Variants in NDST3 observed in about 807,000 individuals in gnomAD.
The protein encoded by NDST3 is N-deacetylase and N-sulfotransferase 3, also known as bifunctional heparan sulfate N-deacetylase/N-sulfotransferase 3.
Under a neutral mutation model 96.1 loss-of-function variants are expected in NDST3, and 58 were observed. The ratio of observed to expected loss-of-function variants is 0.60; its 90% CI spans 0.49 to 0.75. The LOEUF (loss-of-function observed/expected upper bound fraction) is 0.75, where lower values mean the gene tolerates loss of function less well. Among genes scored for constraint, NDST3 ranks in the 30% least tolerant of loss-of-function variants. The probability of loss-of-function intolerance (pLI) is 0.00; values close to 1 mark genes in which losing one functional copy is unlikely to be tolerated. For synonymous variants in NDST3, 333 were observed against 359.7 expected (o/e 0.93, Z 0.84); for missense variants, 788 against 1,034.2 (o/e 0.76, Z 3.27).
chr4:118,047,714 T>C (rs1724850113), intron 1 of NDST3, among the ~76,000 whole-genome samples: 1 of 152,134 alleles, frequency 6.6e-6, no homozygotes, highest in South Asian at 2.1e-4. Flanking sequence ...AAATAATTGT[T>C]AGAAATGAAC....
chr4:118,193,091 C>T (rs895500929), intron 6 of NDST3, among the ~76,000 whole-genome samples: 8 of 152,142 alleles, frequency 5.3e-5, no homozygotes, highest in African/African-American at 1.9e-4. Context: ...CTACCACTTG[C>T]CTCTTCTACC....
At chr4:118,107,327 A>C (rs1042086825) in intron 3 of NDST3, among the ~76,000 whole-genome samples, 5 of 152,154 alleles carry the variant, frequency 3.3e-5, no homozygotes, top group African/African-American at 1.2e-4. Context: ...AGATATTTTG[A>C]CTTGCCTCAG....
intron 12 of NDST3, among the ~76,000 whole-genome samples, chr4:118,251,369 G>A (rs539982861): frequency 8.6e-5 from 13 of 151,642 alleles, no homozygotes; most frequent in African/African-American, 2.2e-4. Context: ...CTCGTGATCC[G>A]CCTGCCTCGG....
chr4:118,245,564 A>T (rs1304970004), intron 12 of NDST3, among the ~76,000 whole-genome samples: 2 of 152,104 alleles, frequency 1.3e-5, no homozygotes, highest in Non-Finnish European at 1.5e-5. Flanking sequence ...TTTCCTACCC[A>T]CTGTAGATAA....
At chr4:118,194,398 AG>A (rs1737527690) in intron 6 of NDST3, 2 of 734,306 alleles carry the variant, frequency 2.7e-6, no homozygotes, top group East Asian at 2.5e-5. Flanking sequence ...AGATCTTTGG[AG>A]GACTGCCTGC....
intron 6 of NDST3, among the ~76,000 whole-genome samples, chr4:118,201,228 T>TAGTGCAACAATGAACAGAAA (rs1738065275): frequency 6.6e-6 from 1 of 152,232 alleles, no homozygotes; most frequent in Admixed American, 6.5e-5. Context: ...CTAGTGTGAA[T>TAGTGCAACAATGAACAGAAA]AGTGCAACAA....
At position 118,105,103 on chromosome 4, in the gene NDST3, C is replaced by A; in HGVS notation, c.1067C>A (p.Thr356Lys). 1.2e-6 allele frequency: 2 copies of A among 1,609,490 alleles called. No homozygotes were observed. Among genetic ancestry groups the A allele is most frequent in the Non-Finnish European group, 1.7e-6 (2 of 1,176,122 alleles). Residue 356 changes from threonine (T) to lysine (K), a missense_variant and splice_region_variant, in exon 3 of 14, where the codon ACA becomes AAA. Physicochemically the swap from Thr to Lys is moderately conservative, Grantham distance 78. Coordinates refer to ENST00000296499, the MANE Select transcript of NDST3 (RefSeq NM_004784.3). ...NLGFSGKFYH[T>K]GTEEEDEGDD... ...GGATTTTCAGGGAAATTTTACCATACAGGTAAGAAAAAGGGATTAACTGTT... is the reference window on the plus strand; with the variant it reads ...GGATTTTCAGGGAAATTTTACCATAAAGGTAAGAAAAAGGGATTAACTGTT...
chr4:118,218,740 G>C (rs889784582), intron 6 of NDST3, among the ~76,000 whole-genome samples: 2 of 152,128 alleles, frequency 1.3e-5, no homozygotes, highest in Non-Finnish European at 2.9e-5. Flanking sequence ...TAGGAAGAGA[G>C]GAAGTCAAAT....
chr4:118,218,224 G>T (rs974873430), intron 6 of NDST3, among the ~76,000 whole-genome samples: 17 of 151,924 alleles, frequency 1.1e-4, no homozygotes, highest in Non-Finnish European at 2.5e-4. Context: ...CCAAAACTTG[G>T]CAGAGACAAA....
intron 2 of NDST3, among the ~76,000 whole-genome samples, chr4:118,068,496 A>G (rs1415659593): frequency 6.6e-6 from 1 of 152,092 alleles, no homozygotes; most frequent in African/African-American, 2.4e-5. Context: ...TCACTTATCA[A>G]TACAAGACAA....
At chr4:118,058,469 T>C (rs1055314951) in intron 2 of NDST3, among the ~76,000 whole-genome samples, 2 of 150,210 alleles carry the variant, frequency 1.3e-5, no homozygotes, top group African/African-American at 5.0e-5. Flanking sequence ...GAGGTCTTTG[T>C]TTGTCTAGGA....
At chr4:118,177,247 G>C (rs974710409) in intron 6 of NDST3, among the ~76,000 whole-genome samples, 1 of 151,996 alleles carries the variant, frequency 6.6e-6, no homozygotes, top group African/African-American at 2.4e-5. Flanking sequence ...TGGTAAATAG[G>C]ATAGGATTCT....
chr4:118,189,914 T>C (rs1474490974), intron 6 of NDST3, among the ~76,000 whole-genome samples: 1 of 152,152 alleles, frequency 6.6e-6, no homozygotes, highest in Non-Finnish European at 1.5e-5. Flanking sequence ...CCACACAAGA[T>C]TTCCATAGGT....
chr4:118,154,994 C>T (rs774173894), intron 6 of NDST3, among the ~76,000 whole-genome samples: 1 of 152,118 alleles, frequency 6.6e-6, no homozygotes, highest in African/African-American at 2.4e-5. Flanking sequence ...GTAATAAGCA[C>T]TTGCAGTTAA....
At chr4:118,220,710 A>T (rs534637970) in intron 6 of NDST3, among the ~76,000 whole-genome samples, 14 of 152,030 alleles carry the variant, frequency 9.2e-5, no homozygotes, top group African/African-American at 3.4e-4. Flanking sequence ...TCTGAACATC[A>T]CCACACATCT....
chr4:118,231,039 T>A (rs1210423152), intron 8 of NDST3, among the ~76,000 whole-genome samples: 1 of 152,144 alleles, frequency 6.6e-6, no homozygotes, highest in Non-Finnish European at 1.5e-5. Flanking sequence ...TACTTCCATA[T>A]TAATACTATT....
chr4:118,051,476 C>T (rs189286576), intron 1 of NDST3, among the ~76,000 whole-genome samples: 5 of 152,108 alleles, frequency 3.3e-5, no homozygotes, highest in Non-Finnish European at 7.4e-5. Flanking sequence ...AGACAACCTA[C>T]AGAATGGGAG....
chr4:118,184,602 TACAC>T (rs562099266), intron 6 of NDST3, among the ~76,000 whole-genome samples: 4,087 of 138,552 alleles, frequency 0.029, 107 homozygotes, highest in Middle Eastern at 0.095. Flanking sequence ...TCTCTCTCTC[TACAC>T]ACACACACAC....
At chr4:118,193,379 A>G (rs1291973597) in intron 6 of NDST3, 6 of 552,024 alleles carry the variant, frequency 1.1e-5, no homozygotes, top group Non-Finnish European at 1.9e-5. Flanking sequence ...GCAGGCAGCC[A>G]CAGGAGTAGG....
Sources: gnomAD v4.1 joint callset for allele counts (sites outside exome capture counted in the v4.1 genomes callset) on GRCh38, gnomAD v4.1.1 for gene constraint, MANE v1.5 for transcripts, NCBI Gene and HGNC (gene_info 2026-07-23, HGNC 2026-07-21) for gene names.